Variants in DOCK9 observed in about 807,000 individuals in gnomAD.
DOCK9 encodes the protein dedicator of cytokinesis protein 9.
DOCK9 carries 89 observed loss-of-function variants against 263.3 expected under a neutral mutation model. That is an observed-to-expected ratio of 0.34 (90% confidence interval 0.28 to 0.40). The LOEUF (loss-of-function observed/expected upper bound fraction) is 0.40, where lower values mean the gene tolerates loss of function less well. Ranked by LOEUF, DOCK9 falls within the 10% of genes least tolerant of loss-of-function variation. The probability of loss-of-function intolerance (pLI) is 1.00; values close to 1 mark genes in which losing one functional copy is unlikely to be tolerated. For synonymous variants in DOCK9, 976 were observed against 973.1 expected (o/e 1.00, Z -0.06); for missense variants, 2,140 against 2,603.4 (o/e 0.82, Z 3.87).
At chr13:98,912,290 G>A (rs1007970202) in intron 9 of DOCK9, among the ~76,000 whole-genome samples, 15 of 152,180 alleles carry the variant, frequency 9.9e-5, no homozygotes, top group Admixed American at 9.2e-4. Context: ...TACGGTGATG[G>A]AGGTCAAAAT....
chr13:99,073,911 C>G (rs1159642658), intron 1 of DOCK9, among the ~76,000 whole-genome samples: 3 of 152,238 alleles, frequency 2.0e-5, no homozygotes, highest in African/African-American at 7.2e-5. Context: ...AAAACTCTTT[C>G]TAGAATTATC....
In DOCK9 at chr13:98,930,272, A is replaced by G. The variant is rs763924368; in HGVS notation, c.244-15T>C. The G allele has an allele frequency of 6.3e-7, 1 of 1,599,956 alleles. No individual in the cohort carries two copies. Among genetic ancestry groups the G allele is most frequent in the Non-Finnish European group, 8.5e-7 (1 of 1,172,570 alleles). On this transcript the variant is annotated splice_polypyrimidine_tract_variant and intron_variant, in intron 2 of 52. Coordinates refer to ENST00000682017, the MANE Select transcript of DOCK9 (RefSeq NM_001366683.2). ...AGGATGGCCGTCTGGAAACAAAAAC[A>G]GGAGGAAAAGCCTTGGGTAAGTGAA...
chr13:98,913,914 C>A (rs2050455264), intron 9 of DOCK9, among the ~76,000 whole-genome samples: 2 of 152,080 alleles, frequency 1.3e-5, no homozygotes, highest in South Asian at 2.1e-4. Context: ...ACTCAGGCAA[C>A]CCCCGGGTTT....
At chr13:98,914,872 G>A (rs986287876) in intron 8 of DOCK9, among the ~76,000 whole-genome samples, 3 of 152,146 alleles carry the variant, frequency 2.0e-5, no homozygotes, top group African/African-American at 7.2e-5. Context: ...TTTAATCTGA[G>A]GCTCCCATGC....
intron 1 of DOCK9, among the ~76,000 whole-genome samples, chr13:99,034,325 G>A (rs1415595217): frequency 6.6e-6 from 1 of 152,158 alleles, no homozygotes; most frequent in Non-Finnish European, 1.5e-5. Flanking sequence ...ACACCCAAGA[G>A]GTGTAACTCC....
At chr13:98,891,976 G>A (rs774256125) in intron 15 of DOCK9, among the ~76,000 whole-genome samples, 8 of 152,120 alleles carry the variant, frequency 5.3e-5, no homozygotes, top group African/African-American at 7.2e-5. Context: ...GGTTGTGTGC[G>A]TGTTACACAA....
chr13:98,817,004 G>C (rs1270686957), intron 45 of DOCK9, among the ~76,000 whole-genome samples: 5 of 152,096 alleles, frequency 3.3e-5, no homozygotes, highest in Admixed American at 2.0e-4. Context: ...AAAAACATAT[G>C]TAGACACACA....
chr13:99,001,034 T>C (rs1236014957), intron 1 of DOCK9, among the ~76,000 whole-genome samples: 1 of 152,088 alleles, frequency 6.6e-6, no homozygotes, highest in Non-Finnish European at 1.5e-5. Context: ...TTTCCCCAAA[T>C]ACACCCTTAC....
At chr13:98,819,315 C>T (rs962427645) in intron 45 of DOCK9, among the ~76,000 whole-genome samples, 1 of 152,230 alleles carries the variant, frequency 6.6e-6, no homozygotes, top group Non-Finnish European at 1.5e-5. Context: ...CATTCCTGAA[C>T]TAGCACACGG....
intron 3 of DOCK9, among the ~76,000 whole-genome samples, chr13:98,926,350 T>G (rs2052963600): frequency 6.6e-6 from 1 of 152,252 alleles, no homozygotes; most frequent in African/African-American, 2.4e-5. Context: ...GCTCTGTTAG[T>G]TAATATTACC....
chr13:99,027,089 G>A (rs1450608241), intron 1 of DOCK9, among the ~76,000 whole-genome samples: 9 of 151,968 alleles, frequency 5.9e-5, no homozygotes, highest in Middle Eastern at 3.2e-3. Context: ...CCACAATCTC[G>A]GCTCACTGCA....
At chr13:99,007,121 G>T (rs192811871) in intron 1 of DOCK9, among the ~76,000 whole-genome samples, 22 of 152,102 alleles carry the variant, frequency 1.4e-4, no homozygotes, top group African/African-American at 5.1e-4. Flanking sequence ...CAGGTGCAGT[G>T]GTTCACGCCT....
At chr13:98,961,519 C>T (rs903213356) in intron 1 of DOCK9, among the ~76,000 whole-genome samples, 4 of 152,198 alleles carry the variant, frequency 2.6e-5, no homozygotes, top group African/African-American at 9.7e-5. Context: ...GCATATAGCA[C>T]TTCGCATGTA....
intron 1 of DOCK9, among the ~76,000 whole-genome samples, chr13:98,991,366 G>A (rs117041044): frequency 0.013 from 2,020 of 152,178 alleles, 33 homozygotes; most frequent in South Asian, 0.056. Flanking sequence ...CACCGCACTC[G>A]GCCGCAAACA....
At chr13:98,843,025 GGGACA>G (rs887799373) in intron 38 of DOCK9, among the ~76,000 whole-genome samples, 1 of 152,126 alleles carries the variant, frequency 6.6e-6, no homozygotes, top group African/African-American at 2.4e-5. Flanking sequence ...AGTGGTGATG[GGGACA>G]GACCTACAAA....
chr13:98,884,317 T>C (rs12428668), intron 21 of DOCK9, among the ~76,000 whole-genome samples: 8,531 of 152,330 alleles, frequency 0.056, 360 homozygotes, highest in East Asian at 0.19. Flanking sequence ...ATTTCAACTT[T>C]TGAAACCTCC....
exon 1 of DOCK9, chr13:99,086,550 CGCCCCCCTCGGCGTCCGCG>C (rs1201950789): frequency 5.4e-6 from 1 of 186,020 alleles, no homozygotes; most frequent in East Asian, 1.9e-4. Flanking sequence ...CGCCCCAAGG[CGCCCCCCTCGGCGTCCGCG>C]GCCCCCCGCG....
At chr13:99,052,940 C>T (rs530171339) in intron 1 of DOCK9, among the ~76,000 whole-genome samples, 77 of 152,210 alleles carry the variant, frequency 5.1e-4, no homozygotes, top group African/African-American at 1.7e-3. Flanking sequence ...CATTGGCTGT[C>T]TCTCCACTCT....
In DOCK9 at chr13:98,934,296, G is replaced by C. The variant is rs373633398; in HGVS notation, c.244-4039C>G. 1.5e-3 allele frequency among the ~76,000 whole-genome samples: 233 copies of C among 152,224 alleles called. 9 individuals are homozygous for C. In the South Asian group the frequency reaches 0.045, roughly 30 times the overall value. ...AGTTCTACCATCTTGAGACCACCATGGTGACAGGAAGTACAAGGTAGCCAT... is the reference window on the plus strand; with the variant it reads ...AGTTCTACCATCTTGAGACCACCATCGTGACAGGAAGTACAAGGTAGCCAT... On this transcript the variant is annotated intron_variant, in intron 2 of 52. Coordinates refer to ENST00000682017, the MANE Select transcript of DOCK9 (RefSeq NM_001366683.2).
Sources: gnomAD v4.1 joint callset for allele counts (sites outside exome capture counted in the v4.1 genomes callset) on GRCh38, gnomAD v4.1.1 for gene constraint, MANE v1.5 for transcripts, NCBI Gene and HGNC (gene_info 2026-07-23, HGNC 2026-07-21) for gene names.